STK32B: variants seen among roughly 807,000 people sequenced by gnomAD.
STK32B encodes the protein serine/threonine kinase 32B, also known as serine/threonine-protein kinase 32B.
In STK32B, 43 loss-of-function variants were observed where a neutral mutation model predicts 52.6. That is an observed-to-expected ratio of 0.82 (90% CI 0.64 to 1.05). The LOEUF (loss-of-function observed/expected upper bound fraction) is 1.05, where lower values mean the gene tolerates loss of function less well. STK32B is among the 50% of genes least tolerant of loss of function. The pLI, the probability that STK32B is intolerant of heterozygous loss-of-function variation, is 0.00. For missense variants in STK32B, 621 were observed against 534.6 expected (o/e 1.16, Z -1.59); for synonymous variants, 238 against 204.3 (o/e 1.17, Z -1.41).
At chr4:5,248,420 A>G (rs1265627066) in intron 3 of STK32B, among the ~76,000 whole-genome samples, 1 of 152,242 alleles carries the variant, frequency 6.6e-6, no homozygotes, top group Admixed American at 6.5e-5. Flanking sequence ...CTTATGGTAG[A>G]TGTTCATTAT....
intron 4 of STK32B, among the ~76,000 whole-genome samples, chr4:5,371,983 C>T (rs1028217707): frequency 6.6e-6 from 1 of 152,312 alleles, no homozygotes; most frequent in African/African-American, 2.4e-5. Context: ...TCCTTCTGGG[C>T]ACAAGCCACT....
At chr4:5,025,372 C>T in the STK32B span, among the ~76,000 whole-genome samples, 1 of 152,298 alleles carries the variant, frequency 6.6e-6, no homozygotes, top group East Asian at 1.9e-4. Flanking sequence ...CTAGTTTGGC[C>T]TCTTCCTTAG....
intron 11 of STK32B, among the ~76,000 whole-genome samples, chr4:5,478,096 C>T (rs968202816): frequency 2.6e-5 from 4 of 152,152 alleles, no homozygotes; most frequent in African/African-American, 9.7e-5. Flanking sequence ...TCTGAACTCT[C>T]AACTCCCCTC....
intron 6 of STK32B, among the ~76,000 whole-genome samples, chr4:5,421,946 G>T (rs1423496020): frequency 6.6e-6 from 1 of 152,192 alleles, no homozygotes; most frequent in East Asian, 1.9e-4. Flanking sequence ...ATTTTGATCT[G>T]AAGTCTATGC....
At chr4:5,052,310 G>A (rs965159125) in intron 1 of STK32B, among the ~76,000 whole-genome samples, 1 of 152,136 alleles carries the variant, frequency 6.6e-6, no homozygotes, top group Admixed American at 6.5e-5. Context: ...CTGGAAGGGC[G>A]GGTTGCACCG....
chr4:5,060,042 C>A (rs1742157311), intron 1 of STK32B, among the ~76,000 whole-genome samples: 1 of 152,188 alleles, frequency 6.6e-6, no homozygotes, highest in Non-Finnish European at 1.5e-5. Context: ...TCTTGGCTCA[C>A]CACAACCTCC....
intron 11 of STK32B, among the ~76,000 whole-genome samples, chr4:5,484,715 A>C (rs1241536381): frequency 1.3e-5 from 2 of 152,132 alleles, no homozygotes; most frequent in Admixed American, 6.6e-5. Context: ...ATGTTTTTGC[A>C]GTGGCTGGTA....
intron 3 of STK32B, among the ~76,000 whole-genome samples, chr4:5,190,121 A>G (rs1721062016): frequency 1.3e-5 from 2 of 152,226 alleles, no homozygotes. Context: ...TTAGTCCTCT[A>G]AACCCAAAAG....
At chr4:5,339,589 C>T (rs1289920590) in intron 4 of STK32B, among the ~76,000 whole-genome samples, 2 of 152,122 alleles carry the variant, frequency 1.3e-5, no homozygotes, top group African/African-American at 2.4e-5. Flanking sequence ...CTTTCAATGC[C>T]GTATTTATAC....
rs559995918 is a variant in STK32B at position 5,311,342 on chromosome 4, T to C, written c.261-19878T>C. Among the ~76,000 whole-genome samples the C allele has an allele frequency of 2.6e-5, 4 of 152,244 alleles. No individual in the cohort carries two copies. In the South Asian group the frequency reaches 8.3e-4, roughly 32 times the overall value. On this transcript the variant is annotated intron_variant, in intron 3 of 11. Transcript: ENST00000282908. ...TATCAAAATATCACACAGTACCTCG[T>C]AAATACGTACAATTACTGTGGGTCA...
rs1720635252 is a variant in STK32B, at chr4:5,500,407, A to C, written c.*1324A>C. 6.6e-6 allele frequency: 1 copy of C among 152,160 alleles called. No individual in the cohort carries two copies. The highest frequency in any genetic ancestry group is 2.4e-5 in the African/African-American group (1 of 41,428). 9.4% of individuals were successfully genotyped at this position (152,160 alleles called of 1,614,324 possible). On this transcript the variant is annotated 3_prime_UTR_variant, in exon 12 of 12. Transcript: ENST00000282908. ...CAGCATAATCGTCATCATTATTTAGATACTTTCTTCCTTCACTCACCCAGC... is the reference window on the plus strand; with the variant it reads ...CAGCATAATCGTCATCATTATTTAGCTACTTTCTTCCTTCACTCACCCAGC...
In STK32B at chr4:5,139,757, A is replaced by G. The variant is rs989740143; in HGVS notation, c.53-148A>G. On this transcript the variant is annotated intron_variant, in intron 1 of 11. Transcript: ENST00000282908. ...GAATGTGCTGCAAATTCCCCTGTGG[A>G]TAAGGGTGGACGGCTGCTCTGGCAA... is the stretch of plus-strand genomic sequence containing the variant. 8 of 763,820 alleles carry G rather than the reference A, an allele frequency of 1.0e-5. No homozygotes were observed. In the South Asian group the frequency reaches 1.3e-4, roughly 12 times the overall value. 47.3% of individuals were successfully genotyped at this position (763,820 alleles called of 1,614,324 possible). A position where few individuals can be genotyped will look rare whatever the true frequency, so the allele number is the denominator to read the frequency against.
intron 1 of STK32B, among the ~76,000 whole-genome samples, chr4:5,133,418 C>T (rs1039649560): frequency 2.6e-5 from 4 of 152,118 alleles, no homozygotes; most frequent in Non-Finnish European, 5.9e-5. Flanking sequence ...TCTCATTTCC[C>T]ACTCCCTCAG....
intron 1 of STK32B, among the ~76,000 whole-genome samples, chr4:5,077,362 C>T (rs1435046462): frequency 2.0e-5 from 3 of 151,992 alleles, no homozygotes; most frequent in Non-Finnish European, 4.4e-5. Context: ...GCTTCCTTAT[C>T]CCCCAGTCTC....
intron 3 of STK32B, among the ~76,000 whole-genome samples, chr4:5,206,207 C>G (rs994907282): frequency 6.6e-6 from 1 of 152,146 alleles, no homozygotes; most frequent in South Asian, 2.1e-4. Flanking sequence ...ACAAATAACC[C>G]TTAGAAGCTA....
At chr4:5,312,500 A>G (rs1396164531) in intron 3 of STK32B, among the ~76,000 whole-genome samples, 3 of 145,008 alleles carry the variant, frequency 2.1e-5, no homozygotes, top group African/African-American at 7.5e-5. Context: ...ATGTGTTCTC[A>G]TTGTTCAATT....
chr4:5,305,754 G>C (rs1729888350), intron 3 of STK32B, among the ~76,000 whole-genome samples: 2 of 151,872 alleles, frequency 1.3e-5, no homozygotes, highest in South Asian at 4.2e-4. Context: ...GGTTGGGTTT[G>C]GTTTTTTCTT....
chr4:5,131,287 C>G (rs538122178), intron 1 of STK32B, among the ~76,000 whole-genome samples: 1 of 152,206 alleles, frequency 6.6e-6, no homozygotes, highest in Non-Finnish European at 1.5e-5. Flanking sequence ...TCTTTTCAAT[C>G]AGCTTTCGTC....
chr4:5,408,047 C>T (rs548291999), intron 5 of STK32B, among the ~76,000 whole-genome samples: 3 of 152,250 alleles, frequency 2.0e-5, no homozygotes, highest in African/African-American at 7.2e-5. Context: ...CCAAATCTGT[C>T]AGGGCCTTGA....
Sources: allele counts gnomAD v4.1 joint callset (sites outside exome capture counted in the v4.1 genomes callset), GRCh38; gene constraint gnomAD v4.1.1; transcripts MANE v1.5; gene names NCBI Gene and HGNC (gene_info 2026-07-23, HGNC 2026-07-21).